The following ZNF263 variants were observed in gnomAD, a reference collection of about 807,000 sequenced individuals.
ZNF263 encodes the protein zinc finger protein 263, also known as zinc finger protein FPM315.
A neutral mutation model predicts 63.1 loss-of-function variants in ZNF263; 49 were observed. The observed-to-expected ratio is 0.78, with a 90% CI of 0.62 to 0.99. The LOEUF is 0.99. Ranked by LOEUF, ZNF263 falls within the 50% of genes least tolerant of loss-of-function variation. The pLI is 0.00. For synonymous variants in ZNF263, 352 were observed against 324.2 expected, an observed-to-expected ratio of 1.09 and a Z score of -0.92; for missense variants, 872 against 854.8, an observed-to-expected ratio of 1.02 and a Z score of -0.25.
chr16:3,285,547 T>G (rs777098524), intron 2 of ZNF263, 134 bp from the exon 3 acceptor site: 81 of 872,936 alleles, frequency 9.3e-5, no homozygotes, highest in Non-Finnish European at 1.2e-4. Flanking sequence ...ATCAGCTGAT[T>G]AGGCCTCTGT....
rs1342747555 is a variant in ZNF263 at position 3,289,557 on chromosome 16, G to A, written c.1051G>A (p.Gly351Ser). The A allele has an allele frequency of 6.2e-7, 1 of 1,612,654 alleles. No homozygotes were observed. Among genetic ancestry groups the A allele is most frequent in the Non-Finnish European group, 8.5e-7 (1 of 1,179,174 alleles). Residue 351 changes from glycine (G) to serine (S), a missense_variant, in exon 6 of 6, where the codon GGT (glycine) becomes AGT (serine). Transcript: ENST00000219069. ...AGGGGATTGGGCGCCTCCCCCAGAG[G>A]GTGGAATGGAGCAGGCCTTGGCAGG... is the stretch of plus-strand genomic sequence containing the variant. ...SQGDWAPPPE[G>S]GMEQALAGAS...
chr16:3,285,919 C>A (rs915681164), intron 3 of ZNF263, 104 bp from the exon 4 acceptor site: 24 of 1,592,518 alleles, frequency 1.5e-5, no homozygotes, highest in African/African-American at 1.5e-4. Context: ...TTCTTCCCCC[C>A]TGACATGTGC....
At chr16:3,297,665 C>G (rs1959797109) in intron 1 of ZNF263, among the ~76,000 whole-genome samples, 1 of 151,732 alleles carries the variant, frequency 6.6e-6, no homozygotes, top group South Asian at 2.1e-4. Context: ...GGGGTTTCAC[C>G]ATGTTAGCCA....
chr16:3,290,885 A>C lies in ZNF263; in HGVS notation c.*327A>C. On this transcript the variant is annotated 3_prime_UTR_variant, in exon 6 of 6. Coordinates refer to ENST00000219069, the MANE Select transcript of ZNF263 (RefSeq NM_005741.5). ...GGCACCTGACTGTCCAGTTTACCTT[A>C]ACAAGTTTGGGAATCCATGTGATGT... 9.5e-7 allele frequency: 1 copy of C among 1,057,400 alleles called. No individual in the cohort carries two copies. Among genetic ancestry groups the C allele is most frequent in the Non-Finnish European group, 1.1e-6 (1 of 873,850 alleles). The allele number at this position is 1,057,400 out of a possible 1,614,324, so 65.5% of individuals were successfully genotyped here.
intron 2 of ZNF263, 80 bp downstream of exon 2, chr16:3,285,319 A>G (rs1400200921): frequency 2.5e-5 from 35 of 1,423,266 alleles, no homozygotes; most frequent in African/African-American, 5.8e-5. Flanking sequence ...TGTAGCAATG[A>G]TGCGAAGGAG....
chr16:3,290,467 C>A lies in ZNF263; in HGVS notation c.1961C>A (p.Thr654Lys). Residue 654 changes from threonine (T) to lysine (K), a missense_variant, in exon 6 of 6, where the codon ACG (threonine) becomes AAG (lysine). Thr to Lys is a moderately conservative substitution (Grantham distance 78, BLOSUM62 -1). Transcript: ENST00000219069. ...CGGATTCGCCACCTGAGAACGCATA[C>A]GGGAGAGAGACCCTATAAATGTTCT... is the stretch of plus-strand genomic sequence containing the variant. ...SNRIRHLRTHTGERPYKCSEC... is the reference protein window; with the variant it reads ...SNRIRHLRTHKGERPYKCSEC... The A allele has an allele frequency of 6.2e-7, 1 of 1,614,096 alleles. No homozygotes were observed.
downstream of ZNF263, among the ~76,000 whole-genome samples, chr16:3,295,556 A>G (rs1959720654): frequency 6.6e-6 from 1 of 152,146 alleles, no homozygotes; most frequent in Non-Finnish European, 1.5e-5. Flanking sequence ...GGAGGCGCGG[A>G]GGGCCGAGCT....
At chr16:3,296,805 A>G (rs1468447930) in intron 1 of ZNF263, among the ~76,000 whole-genome samples, 1 of 152,176 alleles carries the variant, frequency 6.6e-6, no homozygotes, top group African/African-American at 2.4e-5. Context: ...AAAAATGAGA[A>G]CTCCATTAAA....
In ZNF263 at chr16:3,289,669, C is replaced by CT. The variant is rs1596372749; in HGVS notation, c.1164dup (p.Asn389Ter). The CT allele has an allele frequency of 6.2e-7, 1 of 1,614,230 alleles. No individual in the cohort carries two copies. Among genetic ancestry groups the CT allele is most frequent in the Non-Finnish European group, 8.5e-7 (1 of 1,180,046 alleles). On this transcript the variant is annotated frameshift_variant, in exon 6 of 6. Coordinates refer to ENST00000219069, the MANE Select transcript of ZNF263 (RefSeq NM_005741.5). LOFTEE classifies it high-confidence loss of function. Reference sequence around the variant, plus strand: ...TGTCCCTTGTGTGGCAAAAATTTCTCTAACAACTCAAACCTAATTAGGCAC... The same window carrying CT: ...TGTCCCTTGTGTGGCAAAAATTTCTCTTAACAACTCAAACCTAATTAGGCAC...
At position 3,289,685 on chromosome 16, in the gene ZNF263, AATT is replaced by A; in HGVS notation, c.1181_1183del (p.Ile394del). 6.2e-7 allele frequency: 1 copy of A among 1,614,198 alleles called. No individual in the cohort carries two copies. The highest frequency in any genetic ancestry group is 8.5e-7 in the Non-Finnish European group (1 of 1,180,024). ...AAAATTTCTCTAACAACTCAAACCTAATTAGGCACCAGAGAATACATGCAGCTG... is the reference window on the plus strand; with the variant it reads ...AAAATTTCTCTAACAACTCAAACCTAAGGCACCAGAGAATACATGCAGCTG... On this transcript the variant is annotated inframe_deletion, in exon 6 of 6. Coordinates refer to ENST00000219069, the MANE Select transcript of ZNF263 (RefSeq NM_005741.5).
chr16:3,289,563 A>G lies in ZNF263; in HGVS notation c.1057A>G (p.Met353Val), dbSNP rs1301143166. ...TTGGGCGCCTCCCCCAGAGGGTGGA[A>G]TGGAGCAGGCCTTGGCAGGAGCCTC... ...GDWAPPPEGG[M>V]EQALAGASSG... The change falls in exon 6 of 6, where the codon ATG becomes GTG. Residue 353 changes from methionine (M) to valine (V), a missense_variant. Transcript: ENST00000219069. 2.5e-6 allele frequency: 4 copies of G among 1,613,146 alleles called. No individual in the cohort carries two copies. In the Admixed American group the frequency reaches 6.7e-5, roughly 27 times the overall value.
intron 2 of ZNF263, chr16:3,300,193 C>T (rs1388675447): frequency 6.2e-7 from 1 of 1,614,232 alleles, no homozygotes; most frequent in Non-Finnish European, 8.5e-7. Context: ...TTGTTCCCCA[C>T]ATCCTTTTCG....
Position 3,290,063 on chromosome 16 carries a change from G to A in ZNF263, c.1557G>A (p.Lys519=), listed in dbSNP as rs768948717. 2 of 1,613,986 alleles carry A rather than the reference G, an allele frequency of 1.2e-6. No homozygotes were observed. The highest frequency in any genetic ancestry group is 2.2e-5 in the South Asian group (2 of 91,072). ...QRIHTGERPY[K]CPECGKSFSR... is the part of the protein sequence containing the mutation. ...TTCACACTGGAGAGCGACCTTATAA[G>A]TGTCCCGAGTGTGGGAAAAGTTTCT... is the stretch of plus-strand genomic sequence containing the variant. The change falls in exon 6 of 6, where the codon AAG becomes AAA. Residue 519 remains lysine (K), a synonymous_variant. Transcript: ENST00000219069.
chr16:3,285,885 AC>A, intron 3 of ZNF263, 131 bp downstream of exon 3: 1 of 1,538,046 alleles, frequency 6.5e-7, no homozygotes, highest in African/African-American at 1.4e-5. Context: ...TCTATTTCAC[AC>A]CTCACTTGGA....
chr16:3,294,134 C>A (rs572594988), downstream of ZNF263, among the ~76,000 whole-genome samples: 24 of 152,308 alleles, frequency 1.6e-4, no homozygotes, highest in African/African-American at 5.8e-4. Flanking sequence ...ACCATGTTAG[C>A]CAGGATGGTC....
rs1361379457 is a variant in ZNF263 at position 3,290,563 on chromosome 16, A to G, written c.*5A>G. On this transcript the variant is annotated 3_prime_UTR_variant, in exon 6 of 6. Transcript: ENST00000219069. ...CAGAGAACTCACACAGGTTAGTAAC[A>G]GTGGGGTTTCTCTTTGCCCCAGGTG... 8 of 1,596,754 alleles carry G rather than the reference A, an allele frequency of 5.0e-6. No individual in the cohort carries two copies. The highest frequency in any genetic ancestry group is 1.7e-5 in the Admixed American group (1 of 57,756).
intron 4 of ZNF263, among the ~76,000 whole-genome samples, chr16:3,287,312 A>T (rs1326719485): frequency 1.1e-4 from 17 of 150,786 alleles, no homozygotes; most frequent in Admixed American, 1.1e-3. Flanking sequence ...GGATTTCTCC[A>T]TGTAGGTCAG....
At chr16:3,296,390 C>T (rs1596376058), downstream of ZNF263, among the ~76,000 whole-genome samples, 1 of 152,164 alleles carries the variant, frequency 6.6e-6, no homozygotes, top group East Asian at 1.9e-4. Flanking sequence ...CTGCCATCCC[C>T]CTCCACTTCC....
chr16:3,296,224 A>G (rs141948333), downstream of ZNF263, among the ~76,000 whole-genome samples: 44 of 152,320 alleles, frequency 2.9e-4, no homozygotes, highest in African/African-American at 9.4e-4. Flanking sequence ...CTAGTACATG[A>G]AACAGTTAAC....
Sources: gnomAD v4.1 joint callset for allele counts (sites outside exome capture counted in the v4.1 genomes callset) on GRCh38, gnomAD v4.1.1 for gene constraint, MANE v1.5 for transcripts, NCBI Gene and HGNC (gene_info 2026-07-23, HGNC 2026-07-21) for gene names.